The following AQP9 variants were observed in gnomAD, a reference collection of about 807,000 sequenced individuals.
AQP9 encodes the protein aquaporin 9, also known as aquaporin-9.
AQP9 carries 19 observed loss-of-function variants against 23.8 expected under a neutral mutation model. The ratio of observed to expected loss-of-function variants is 0.80; its 90% confidence interval spans 0.56 to 1.17. The LOEUF is 1.17. Among genes scored for constraint, AQP9 ranks in the 50% most tolerant of loss-of-function variants. AQP9 has a pLI of 0.00. For synonymous variants in AQP9, 153 were observed against 131.5 expected (o/e 1.16, Z -1.12); for missense variants, 413 against 362.0 (o/e 1.14, Z -1.14).
At chr15:58,165,078 C>T (rs1463762172) in intron 1 of AQP9, among the ~76,000 whole-genome samples, 1 of 152,096 alleles carries the variant, frequency 6.6e-6, no homozygotes, top group Admixed American at 6.6e-5. Flanking sequence ...GTATGTATTG[C>T]TCAATGCCAA....
At chr15:58,162,506 C>G (rs894436523) in intron 1 of AQP9, among the ~76,000 whole-genome samples, 1 of 152,156 alleles carries the variant, frequency 6.6e-6, no homozygotes, top group African/African-American at 2.4e-5. Flanking sequence ...GCTCCCTATC[C>G]TTAAAGGTGA....
chr15:58,167,558 G>C (rs142669315), intron 2 of AQP9, among the ~76,000 whole-genome samples: 1 of 152,138 alleles, frequency 6.6e-6, no homozygotes, highest in African/African-American at 2.4e-5. Flanking sequence ...ACTCTGAGGC[G>C]GGTATTACTG....
intron 1 of AQP9, among the ~76,000 whole-genome samples, chr15:58,157,401 A>C (rs1352829723): frequency 1.3e-5 from 2 of 152,198 alleles, no homozygotes; most frequent in Non-Finnish European, 2.9e-5. Flanking sequence ...GGGGCATTTT[A>C]GAATGTCCAC....
At chr15:58,167,471 G>A (rs1380721351) in intron 2 of AQP9, among the ~76,000 whole-genome samples, 1 of 152,204 alleles carries the variant, frequency 6.6e-6, no homozygotes, top group African/African-American at 2.4e-5. Context: ...AGAGAAGAAA[G>A]GGAACTGAGA....
At chr15:58,155,459 G>A (rs933668421) in intron 1 of AQP9, 29 of 152,058 alleles carry the variant, frequency 1.9e-4, no homozygotes, top group African/African-American at 7.0e-4. Context: ...AATCTGAGGT[G>A]GATTTTCAGT....
intron 1 of AQP9, among the ~76,000 whole-genome samples, chr15:58,161,184 G>C (rs1214557008): frequency 6.6e-6 from 1 of 152,140 alleles, no homozygotes. Flanking sequence ...GGCTCTGCAA[G>C]ATATGGGAAT....
chr15:58,159,871 C>T (rs562467298), intron 1 of AQP9, among the ~76,000 whole-genome samples: 121 of 152,238 alleles, frequency 7.9e-4, no homozygotes, highest in Non-Finnish European at 4.7e-4. Flanking sequence ...TGTTTCATTG[C>T]GTATATATGC....
chr15:58,173,451 A>C (rs1243524441), intron 3 of AQP9, among the ~76,000 whole-genome samples: 1 of 152,196 alleles, frequency 6.6e-6, no homozygotes, highest in East Asian at 1.9e-4. Flanking sequence ...GTGCCAAGCC[A>C]GCACTGCAAC....
rs117849012 is a variant in AQP9, at chr15:58,175,294, A to G, written c.495+258A>G. ...GAGATCCAGAAAAGAGTGAATGACT[A>G]AACATTTCAATCCCTGTAGACACAA... On this transcript the variant is annotated intron_variant, in intron 4 of 5. Transcript: ENST00000219919. Among the ~76,000 whole-genome samples, 10 of 152,370 alleles carry G rather than the reference A, an allele frequency of 6.6e-5. No homozygotes were observed. In the East Asian group the frequency reaches 1.9e-3, roughly 29 times the overall value.
At chr15:58,177,250 C>A (rs1295169131) in intron 4 of AQP9, among the ~76,000 whole-genome samples, 1 of 152,176 alleles carries the variant, frequency 6.6e-6, no homozygotes, top group African/African-American at 2.4e-5. Flanking sequence ...CATTTATTTA[C>A]CCAATAACTA....
At chr15:58,147,236 G>T (rs1208320689) in intron 1 of AQP9, among the ~76,000 whole-genome samples, 6 of 151,894 alleles carry the variant, frequency 4.0e-5, no homozygotes, top group African/African-American at 9.7e-5. Flanking sequence ...CCAGAAGTGG[G>T]TTTCGTCAGT....
intron 1 of AQP9, among the ~76,000 whole-genome samples, chr15:58,162,650 G>C (rs1898407463): frequency 6.6e-6 from 1 of 152,176 alleles, no homozygotes; most frequent in Non-Finnish European, 1.5e-5. Context: ...CAGGGTTTAA[G>C]AGCACAGTCT....
chr15:58,150,556 A>G (rs1322801448), intron 1 of AQP9: 2 of 152,570 alleles, frequency 1.3e-5, no homozygotes, highest in African/African-American at 2.4e-5. Context: ...CTATCTACTG[A>G]TGAGGATCCT....
intron 1 of AQP9, among the ~76,000 whole-genome samples, chr15:58,139,328 G>A (rs1432635981): frequency 6.6e-6 from 1 of 152,106 alleles, no homozygotes; most frequent in Non-Finnish European, 1.5e-5. Flanking sequence ...AGATATAAAC[G>A]AGGGACGACT....
chr15:58,148,420 T>A (rs1463205615), intron 1 of AQP9, among the ~76,000 whole-genome samples: 1 of 152,202 alleles, frequency 6.6e-6, no homozygotes, highest in Non-Finnish European at 1.5e-5. Flanking sequence ...GAACTAATGA[T>A]CTGTGAAACA....
intron 1 of AQP9, chr15:58,164,082 ACTC>A (rs1389162089): frequency 6.6e-6 from 1 of 152,202 alleles, no homozygotes; most frequent in Non-Finnish European, 1.5e-5. Context: ...ATTGCTCATC[ACTC>A]CTCCTATTTC....
chr15:58,181,075 T>A (rs1252355302), intron 5 of AQP9, among the ~76,000 whole-genome samples: 1 of 152,192 alleles, frequency 6.6e-6, no homozygotes, highest in South Asian at 2.1e-4. Flanking sequence ...CCTTGGTGAT[T>A]CATTCAAAAG....
chr15:58,183,175 T>C (rs7496568), intron 5 of AQP9, among the ~76,000 whole-genome samples: 135,521 of 151,942 alleles, frequency 0.89, 61,055 homozygotes, highest in Non-Finnish European at 0.96. Context: ...TCCATTCCCC[T>C]GCTTTTTAAA....
At chr15:58,147,666 G>T (rs1476203285) in intron 1 of AQP9, among the ~76,000 whole-genome samples, 1 of 152,072 alleles carries the variant, frequency 6.6e-6, no homozygotes, top group Non-Finnish European at 1.5e-5. Flanking sequence ...ATGCCTTAGA[G>T]TCTTTCTGGA....
Sources: allele counts gnomAD v4.1 joint callset (sites outside exome capture counted in the v4.1 genomes callset), GRCh38; gene constraint gnomAD v4.1.1; transcripts MANE v1.5; gene names NCBI Gene and HGNC (gene_info 2026-07-23, HGNC 2026-07-21).